TET1: variants seen among roughly 807,000 people sequenced by gnomAD.
TET1 encodes methylcytosine dioxygenase TET1.
TET1 carries 13 observed loss-of-function variants against 148.7 expected under a neutral mutation model. The observed-to-expected ratio is 0.09, with a 90% CI of 0.06 to 0.14. TET1 has a LOEUF of 0.14. TET1 is among the 10% of genes least tolerant of loss of function. The pLI is 1.00. For synonymous variants in TET1, 907 were observed against 937.2 expected (o/e 0.97, Z 0.59); for missense variants, 2,182 against 2,553.8 (o/e 0.85, Z 3.14).
At chr10:68,672,840 C>T in intron 7 of TET1, 55 bp from the exon 8 acceptor site, 2 of 1,517,874 alleles carry the variant, frequency 1.3e-6, no homozygotes. Flanking sequence ...GAAATGTTCT[C>T]TCTGAGGTAT....
chr10:68,569,426 G>A (rs1484062878), intron 1 of TET1, among the ~76,000 whole-genome samples: 14 of 151,800 alleles, frequency 9.2e-5, no homozygotes, highest in African/African-American at 2.7e-4. Flanking sequence ...CGCCCACCTC[G>A]GCCTCCCAAA....
chr10:68,646,796 T>C lies in TET1; in HGVS notation c.4067T>C (p.Val1356Ala). The change falls in exon 4 of 12, where the codon GTA becomes GCA. Residue 1356 changes from valine (V) to alanine (A), a missense_variant. Around this residue, in one of 11 missense-constraint regions of TET1, gnomAD observed 169 missense variants for 263.7 expected, o/e 0.64. Coordinates refer to ENST00000373644, the MANE Select transcript of TET1 (RefSeq NM_030625.3). Reference sequence around the variant, plus strand: ...GAGTCAGCACTAACTCTCAGGAATGTAAATGTAGTGTGTTCAGGTGGAATT... The same window carrying C: ...GAGTCAGCACTAACTCTCAGGAATGCAAATGTAGTGTGTTCAGGTGGAATT... ...LPESALTLRN[V>A]NVVCSGGITV... is the part of the protein sequence containing the mutation. 1 of 1,614,194 alleles carries C rather than the reference T, an allele frequency of 6.2e-7. No individual in the cohort carries two copies.
intron 3 of TET1, among the ~76,000 whole-genome samples, chr10:68,622,235 TTCCC>T (rs1297533173): frequency 1.4e-4 from 15 of 104,738 alleles, no homozygotes; most frequent in South Asian, 1.1e-3. Context: ...CCTTCCTCCC[TTCCC>T]TCCCTCCCTC....
intron 3 of TET1, among the ~76,000 whole-genome samples, chr10:68,609,015 T>C (rs762328002): frequency 6.6e-6 from 1 of 152,026 alleles, no homozygotes; most frequent in Non-Finnish European, 1.5e-5. Flanking sequence ...TTTGTTTATA[T>C]GTTTTTATGA....
chr10:68,676,806 A>G (rs779987715), intron 8 of TET1, among the ~76,000 whole-genome samples: 7 of 152,202 alleles, frequency 4.6e-5, no homozygotes, highest in Admixed American at 2.6e-4. Context: ...TTACTGAAAC[A>G]TTATAGTTGT....
rs559796474 is a variant in TET1 at position 68,621,697 on chromosome 10, AT to A, written c.1968+20670del. 1.6e-4 allele frequency among the ~76,000 whole-genome samples: 25 copies of A among 152,228 alleles called. No individual in the cohort carries two copies. In the East Asian group the frequency reaches 4.6e-3, roughly 28 times the overall value. ...CTTCTCTACATCTGTTGCATTTTCAATTTTTTTCTGTAGTGAGACTTTAATA... is the reference window on the plus strand; with the variant it reads ...CTTCTCTACATCTGTTGCATTTTCAATTTTTTCTGTAGTGAGACTTTAATA... On this transcript the variant is annotated intron_variant, in intron 3 of 11. Coordinates refer to ENST00000373644, the MANE Select transcript of TET1 (RefSeq NM_030625.3).
rs139770615 is a variant in TET1 at position 68,639,445 on chromosome 10, T to TTAC, written c.1969-5232_1969-5230dup. ...TCAAAGATTACTATTACTATTATTA[T>TTAC]TACTACTACTACTACTACTACTATT... On this transcript the variant is annotated intron_variant, in intron 3 of 11. Transcript: ENST00000373644. Among the ~76,000 whole-genome samples, 456 of 132,130 alleles carry TTAC rather than the reference T, an allele frequency of 3.5e-3. 2 individuals carry two copies. The highest frequency in any genetic ancestry group is 9.7e-3 in the African/African-American group (352 of 36,288). The allele number at this position is 132,130 out of a possible 152,430, so 86.7% of individuals were successfully genotyped here. A position where few individuals can be genotyped will look rare whatever the true frequency, so the allele number is the denominator to read the frequency against.
At chr10:68,565,546 C>G (rs2053599464) in intron 1 of TET1, among the ~76,000 whole-genome samples, 1 of 149,168 alleles carries the variant, frequency 6.7e-6, no homozygotes, top group African/African-American at 2.5e-5. Flanking sequence ...TAATCTATGA[C>G]AGAAGCACTA....
intron 3 of TET1, among the ~76,000 whole-genome samples, chr10:68,633,030 A>G (rs541139049): frequency 3.9e-5 from 6 of 152,042 alleles, no homozygotes; most frequent in Admixed American, 3.9e-4. Flanking sequence ...CTAAAAATAC[A>G]AAAATTAGCT....
chr10:68,593,037 C>A (rs2053936003), intron 2 of TET1, among the ~76,000 whole-genome samples: 1 of 151,638 alleles, frequency 6.6e-6, no homozygotes, highest in African/African-American at 2.4e-5. Context: ...AGATCGAGAC[C>A]ATCCTGGCCA....
At chr10:68,624,646 TTCTTTCTTTCTTTC>T (rs1391390302) in intron 3 of TET1, among the ~76,000 whole-genome samples, 375 of 53,958 alleles carry the variant, frequency 6.9e-3, no homozygotes, top group Admixed American at 8.7e-3. Flanking sequence ...CTTTCTTTCT[TTCTTTCTTTCTTTC>T]TCTCTCTCTC....
Position 68,682,818 on chromosome 10 carries a change from C to T in TET1, c.4915-18C>T, listed in dbSNP as rs1418149707. 17 of 1,610,382 alleles carry T rather than the reference C, an allele frequency of 1.1e-5. No individual in the cohort carries two copies. The highest frequency in any genetic ancestry group is 1.4e-5 in the Non-Finnish European group (16 of 1,178,966). On this transcript the variant is annotated intron_variant, in intron 9 of 11. Coordinates refer to ENST00000373644, the MANE Select transcript of TET1 (RefSeq NM_030625.3). ...TCCTTCTCTCTCTTAAGATTGTGCT[C>T]CATGCTTTCTTTTCTAGGTGGAATA...
chr10:68,652,569 C>T lies in TET1; in HGVS notation c.4436C>T (p.Ser1479Phe). The change falls in exon 6 of 12, where the codon TCT becomes TTT. Residue 1479 changes from serine (S) to phenylalanine (F), a missense_variant. Ser to Phe is a radical substitution (Grantham distance 155, BLOSUM62 -2). This residue lies in a region of TET1 where 169 missense variants were observed against 263.7 expected (regional missense o/e 0.64). Transcript: ENST00000373644. Reference sequence around the variant, plus strand: ...TACACCGGTAAAGAAGGGAAAAGCTCTCATGGGTGTCCAATTGCTAAGTGG... The same window carrying T: ...TACACCGGTAAAGAAGGGAAAAGCTTTCATGGGTGTCCAATTGCTAAGTGG... ...VVYTGKEGKS[S>F]HGCPIAKWVL... 1.2e-6 allele frequency: 2 copies of T among 1,611,622 alleles called. No individual in the cohort carries two copies. The highest frequency in any genetic ancestry group is 2.2e-5 in the East Asian group (1 of 44,754).
At chr10:68,677,553 C>T (rs555438036) in intron 8 of TET1, among the ~76,000 whole-genome samples, 21 of 152,214 alleles carry the variant, frequency 1.4e-4, no homozygotes, top group Admixed American at 1.2e-3. Context: ...TTTTTTGATA[C>T]GGGGCCTCAC....
At chr10:68,652,840 G>A (rs1043003372) in intron 6 of TET1, among the ~76,000 whole-genome samples, 2 of 137,930 alleles carry the variant, frequency 1.5e-5, no homozygotes, top group African/African-American at 2.7e-5. Flanking sequence ...CACCAAACCC[G>A]GCTAATTTTT....
At chr10:68,626,043 C>A (rs1488284983) in intron 3 of TET1, among the ~76,000 whole-genome samples, 1 of 147,532 alleles carries the variant, frequency 6.8e-6, no homozygotes, top group East Asian at 2.0e-4. Flanking sequence ...GAGATGGTGC[C>A]ACTGCACTCC....
chr10:68,575,386 AAAAT>A (rs72033179), intron 2 of TET1, among the ~76,000 whole-genome samples: 22,438 of 148,700 alleles, frequency 0.15, 1,857 homozygotes, highest in South Asian at 0.24. Flanking sequence ...CTCTGTCTCA[AAAAT>A]AAATAAATAA....
intron 2 of TET1, among the ~76,000 whole-genome samples, chr10:68,600,762 A>T (rs950533219): frequency 6.6e-6 from 1 of 152,210 alleles, no homozygotes; most frequent in Non-Finnish European, 1.5e-5. Context: ...CTTTAAGGGG[A>T]AAAAAGGGTA....
intron 3 of TET1, among the ~76,000 whole-genome samples, chr10:68,630,738 G>T (rs573405270): frequency 1.3e-5 from 2 of 152,334 alleles, no homozygotes; most frequent in Admixed American, 1.3e-4. Context: ...TTGATGCCAA[G>T]TATGTGGACA....
Sources: gnomAD v4.1 joint callset for allele counts (sites outside exome capture counted in the v4.1 genomes callset) on GRCh38, gnomAD v4.1.1 for gene constraint, gnomAD v4.1.1 regional missense constraint, MANE v1.5 for transcripts, NCBI Gene and HGNC (gene_info 2026-07-23, HGNC 2026-07-21) for gene names.